The following ELOVL6 variants were observed in gnomAD, a reference collection of about 807,000 sequenced individuals.
ELOVL6 encodes the protein ELOVL fatty acid elongase 6, also known as very long chain fatty acid elongase 6.
Under a neutral mutation model 31.7 loss-of-function variants are expected in ELOVL6, and 8 were observed. That is an observed-to-expected ratio of 0.25 (90% CI 0.15 to 0.45). ELOVL6 has a LOEUF of 0.45. ELOVL6 is among the 20% of genes least tolerant of loss of function. ELOVL6 has a pLI of 1.00. For synonymous variants in ELOVL6, 101 were observed against 117.7 expected (o/e 0.86, Z 0.92); for missense variants, 126 against 326.4 (o/e 0.39, Z 4.73).
At chr4:110,091,659 A>T (rs1176980199) in intron 2 of ELOVL6, among the ~76,000 whole-genome samples, 1 of 152,202 alleles carries the variant, frequency 6.6e-6, no homozygotes, top group African/African-American at 2.4e-5. Flanking sequence ...TTTCTGCTCC[A>T]GTTCCGGGTT....
intron 2 of ELOVL6, among the ~76,000 whole-genome samples, chr4:110,071,810 T>C (rs1755492280): frequency 6.6e-6 from 1 of 152,224 alleles, no homozygotes; most frequent in Non-Finnish European, 1.5e-5. Context: ...GAAAAGATAC[T>C]CCTTTCTAAA....
At chr4:110,124,640 A>T (rs1377924736) in intron 1 of ELOVL6, among the ~76,000 whole-genome samples, 2 of 152,098 alleles carry the variant, frequency 1.3e-5, no homozygotes, top group Non-Finnish European at 2.9e-5. Context: ...TGAAAGGTGC[A>T]GCAAACCACC....
chr4:110,138,981 GGATA>G (rs1757879884), intron 1 of ELOVL6, among the ~76,000 whole-genome samples: 1 of 152,026 alleles, frequency 6.6e-6, no homozygotes, highest in South Asian at 2.1e-4. Context: ...ATACATCAGT[GGATA>G]GATATAGATA....
chr4:110,113,556 G>A (rs925914191), intron 1 of ELOVL6, among the ~76,000 whole-genome samples: 3 of 152,136 alleles, frequency 2.0e-5, no homozygotes, highest in Non-Finnish European at 2.9e-5. Flanking sequence ...CAGCCTGGGC[G>A]ACAGAGTGAG....
intron 2 of ELOVL6, among the ~76,000 whole-genome samples, chr4:110,080,586 G>A (rs1436258834): frequency 6.6e-6 from 1 of 152,180 alleles, no homozygotes; most frequent in African/African-American, 2.4e-5. Flanking sequence ...TTGATGGGAT[G>A]TATCTCAGAA....
At chr4:110,072,181 C>A (rs1755504767) in intron 2 of ELOVL6, among the ~76,000 whole-genome samples, 1 of 152,166 alleles carries the variant, frequency 6.6e-6, no homozygotes, top group African/African-American at 2.4e-5. Flanking sequence ...TAAGTGGCAC[C>A]TGTAAAAATC....
intron 1 of ELOVL6, among the ~76,000 whole-genome samples, chr4:110,151,042 G>GAA (rs200890182): frequency 3.9e-5 from 5 of 128,582 alleles, no homozygotes; most frequent in South Asian, 2.4e-4. Flanking sequence ...GACTCCGTCT[G>GAA]AAAAAAAAAA....
At chr4:110,144,691 G>A (rs1758058902) in intron 1 of ELOVL6, among the ~76,000 whole-genome samples, 1 of 152,032 alleles carries the variant, frequency 6.6e-6, no homozygotes, top group South Asian at 2.1e-4. Flanking sequence ...TCCTCCTTGG[G>A]TGCTATACAG....
At chr4:110,119,902 T>G (rs1228011614) in intron 1 of ELOVL6, among the ~76,000 whole-genome samples, 1 of 152,168 alleles carries the variant, frequency 6.6e-6, no homozygotes, top group East Asian at 1.9e-4. Flanking sequence ...GCATGTCAGG[T>G]GAATTGCTGC....
chr4:110,169,552 G>A (rs890673798), intron 1 of ELOVL6, among the ~76,000 whole-genome samples: 1 of 151,698 alleles, frequency 6.6e-6, no homozygotes, highest in South Asian at 2.1e-4. Context: ...CAGCCCAATA[G>A]AAGTCTTTAA....
intron 2 of ELOVL6, among the ~76,000 whole-genome samples, chr4:110,084,241 A>AAC (rs1756088016): frequency 2.3e-5 from 3 of 132,524 alleles, no homozygotes; most frequent in Admixed American, 8.4e-5. Flanking sequence ...TATAACATAT[A>AAC]TGATATATAT....
chr4:110,095,602 G>C (rs1231276576), intron 2 of ELOVL6, among the ~76,000 whole-genome samples: 1 of 152,156 alleles, frequency 6.6e-6, no homozygotes, highest in Admixed American at 6.5e-5. Flanking sequence ...GTGGTAAAAG[G>C]TGAGTCAAGG....
intron 1 of ELOVL6, 173 bp downstream of exon 1, chr4:110,198,074 A>C (rs1451329708): frequency 8.1e-5 from 35 of 433,328 alleles, no homozygotes; most frequent in Middle Eastern, 7.5e-4. Flanking sequence ...CGCTTCATGT[A>C]CCCCCCCCCC....
At chr4:110,121,155 G>A (rs1030626305) in intron 1 of ELOVL6, among the ~76,000 whole-genome samples, 43 of 152,272 alleles carry the variant, frequency 2.8e-4, no homozygotes, top group African/African-American at 8.7e-4. Flanking sequence ...GAGGAAATGC[G>A]TAAGGCAGGG....
At chr4:110,084,748 C>A (rs1017452090) in intron 2 of ELOVL6, among the ~76,000 whole-genome samples, 4 of 150,762 alleles carry the variant, frequency 2.7e-5, no homozygotes, top group South Asian at 2.1e-4. Context: ...GTGCGTGCCA[C>A]CACACCTGGC....
rs67665852 is a variant in ELOVL6, at chr4:110,084,531, TACACACACACAC to T, written c.221+20954_221+20965del. The stretch of plus-strand genomic sequence containing the variant: ...TATATGTGTATACATTATATACACT[TACACACACACAC>T]ACACACACACACACACACAGATATA... On this transcript the variant is annotated intron_variant, in intron 2 of 3. Transcript: ENST00000302274. Among the ~76,000 whole-genome samples the T allele has an allele frequency of 3.0e-3, 212 of 70,242 alleles. 4 individuals carry two copies. The highest frequency in any genetic ancestry group is 0.012 in the African/African-American group (156 of 12,796). 46.1% of individuals were successfully genotyped at this position (70,242 alleles called of 152,430 possible). A position where few individuals can be genotyped will look rare whatever the true frequency, so the allele number is the denominator to read the frequency against.
chr4:110,069,131 A>AAATAATAATAATAATAAT (rs58966120), intron 2 of ELOVL6, among the ~76,000 whole-genome samples: 11 of 133,698 alleles, frequency 8.2e-5, no homozygotes, highest in Admixed American at 1.6e-4. Flanking sequence ...CTCTGTCTCC[A>AAATAATAATAATAATAAT]AATAATAATA....
At chr4:110,147,457 A>G (rs1354653563) in intron 1 of ELOVL6, among the ~76,000 whole-genome samples, 2 of 152,160 alleles carry the variant, frequency 1.3e-5, no homozygotes, top group African/African-American at 4.8e-5. Context: ...AAGCTTCTGC[A>G]CAGCAAGAGA....
chr4:110,158,606 C>T lies in ELOVL6; in HGVS notation c.89+39641G>A, dbSNP rs1758527286. ...ATATGTATATATATACACACACACA[C>T]ATATATATACACACACATATATACA... On this transcript the variant is annotated intron_variant, in intron 1 of 3. Coordinates refer to ENST00000302274, the MANE Select transcript of ELOVL6 (RefSeq NM_024090.3). Among the ~76,000 whole-genome samples, 23 of 126,910 alleles carry T rather than the reference C, an allele frequency of 1.8e-4. No homozygotes were observed. The East Asian group carries it at 2.8e-3, about 16-fold the overall frequency. The allele number at this position is 126,910 out of a possible 152,430, so 83.3% of individuals were successfully genotyped here.
Sources: gnomAD v4.1 joint callset for allele counts (sites outside exome capture counted in the v4.1 genomes callset) on GRCh38, gnomAD v4.1.1 for gene constraint, MANE v1.5 for transcripts, NCBI Gene and HGNC (gene_info 2026-07-23, HGNC 2026-07-21) for gene names.